The following PITPNM3 variants were observed in gnomAD, a reference collection of about 807,000 sequenced individuals.
The protein encoded by PITPNM3 is membrane-associated phosphatidylinositol transfer protein 3.
In PITPNM3, 26 loss-of-function variants were observed where a neutral mutation model predicts 102.0. The ratio of observed to expected loss-of-function variants is 0.25; its 90% CI spans 0.19 to 0.35. The LOEUF (loss-of-function observed/expected upper bound fraction) is 0.35, where lower values mean the gene tolerates loss of function less well. PITPNM3 is among the 10% of genes least tolerant of loss of function. The pLI is 1.00. For synonymous variants in PITPNM3, 578 were observed against 558.6 expected (o/e 1.03, Z -0.49); for missense variants, 1,083 against 1,346.1 (o/e 0.80, Z 3.06).
chr17:6,506,134 T>A (rs776358103), intron 3 of PITPNM3, among the ~76,000 whole-genome samples: 27 of 151,902 alleles, frequency 1.8e-4, no homozygotes, highest in Non-Finnish European at 2.2e-4. Flanking sequence ...GCTTGCAGAC[T>A]CTTCCAAATC....
chr17:6,553,065 G>A (rs903407542), intron 1 of PITPNM3, among the ~76,000 whole-genome samples: 4 of 148,940 alleles, frequency 2.7e-5, no homozygotes, highest in Admixed American at 2.0e-4. Flanking sequence ...CCACCGCACC[G>A]AGCCCCTGGC....
chr17:6,536,777 C>T (rs1411482205), intron 2 of PITPNM3, among the ~76,000 whole-genome samples: 1 of 152,200 alleles, frequency 6.6e-6, no homozygotes, highest in Non-Finnish European at 1.5e-5. Context: ...CTTCCAAGAC[C>T]CCGTTTGCCA....
chr17:6,514,733 T>C (rs1384356394), intron 3 of PITPNM3, among the ~76,000 whole-genome samples: 1 of 152,194 alleles, frequency 6.6e-6, no homozygotes, highest in Admixed American at 6.5e-5. Flanking sequence ...CCATATGATA[T>C]AGCAATTCCA....
Position 6,455,198 on chromosome 17 carries a change from G to T in PITPNM3, c.*140C>A, listed in dbSNP as rs1037794378. The T allele has an allele frequency of 8.6e-7, 1 of 1,163,736 alleles. No individual in the cohort carries two copies. The highest frequency in any genetic ancestry group is 1.2e-6 in the Non-Finnish European group (1 of 858,190). The allele number at this position is 1,163,736 out of a possible 1,614,324, so 72.1% of individuals were successfully genotyped here. On this transcript the variant is annotated 3_prime_UTR_variant, in exon 20 of 20. Transcript: ENST00000262483. ...CCGGGCTCGGGCAGGATCCCTCCCC[G>T]CTCTGGTCGGACACTGCTGGACAGA...
At chr17:6,463,627 ACCGGTAGAATT>A in intron 17 of PITPNM3, 94 bp downstream of exon 17, 1 of 1,467,550 alleles carries the variant, frequency 6.8e-7, no homozygotes, top group Non-Finnish European at 9.2e-7. Context: ...AGCCCCAGAG[ACCGGTAGAATT>A]CCTACAGCAA....
Position 6,470,480 on chromosome 17 carries a change from C to T in PITPNM3, c.1625-72G>A. On this transcript the variant is annotated intron_variant, in intron 12 of 19. Coordinates refer to ENST00000262483, the MANE Select transcript of PITPNM3 (RefSeq NM_031220.4). The surrounding 1 kb of genome is among the most constrained non-coding windows in gnomAD (Gnocchi z 4.8). ...TCACCCGAGGGGCAGCGGGGTCTCC[C>T]ATTGCACAGACTGGTGGTGGATGCC... 1 of 1,602,608 alleles carries T rather than the reference C, an allele frequency of 6.2e-7. No homozygotes were observed. Among genetic ancestry groups the T allele is most frequent in the Non-Finnish European group, 8.5e-7 (1 of 1,171,620 alleles).
chr17:6,535,941 G>A (rs1203205940), intron 2 of PITPNM3, among the ~76,000 whole-genome samples: 2 of 151,988 alleles, frequency 1.3e-5, no homozygotes, highest in Non-Finnish European at 2.9e-5. Flanking sequence ...GCACATGCCT[G>A]TAATCCCAGC....
At chr17:6,552,879 G>A (rs919212671) in intron 1 of PITPNM3, among the ~76,000 whole-genome samples, 29 of 147,924 alleles carry the variant, frequency 2.0e-4, no homozygotes, top group Admixed American at 1.2e-3. Flanking sequence ...CCATTCTCTC[G>A]CCTCAGCCTC....
chr17:6,487,034 G>A (rs768662082), intron 4 of PITPNM3, among the ~76,000 whole-genome samples: 1 of 152,232 alleles, frequency 6.6e-6, no homozygotes, highest in African/African-American at 2.4e-5. Context: ...GAGGGTCTGA[G>A]TGTGGCTTCC....
At position 6,469,251 on chromosome 17, in the gene PITPNM3, A is replaced by C. The variant is rs1904938884; in HGVS notation, c.1774-910T>G. On this transcript the variant is annotated intron_variant, in intron 13 of 19. Coordinates refer to ENST00000262483, the MANE Select transcript of PITPNM3 (RefSeq NM_031220.4). This position sits in a 1 kb window ranked among gnomAD's most constrained non-coding sequence, Gnocchi z 4.0. Reference sequence around the variant, plus strand: ...TCCTGATGTCTTCTCTAAGTTCCAGACTCCTCTACTCCCCTTCCGTCCCAG... The same window carrying C: ...TCCTGATGTCTTCTCTAAGTTCCAGCCTCCTCTACTCCCCTTCCGTCCCAG... Among the ~76,000 whole-genome samples, 3 of 150,506 alleles carry C rather than the reference A, an allele frequency of 2.0e-5. No homozygotes were observed. The highest frequency in any genetic ancestry group is 2.5e-5 in the African/African-American group (1 of 40,782).
At position 6,453,612 on chromosome 17, in the gene PITPNM3, G is replaced by A. The variant is rs1327533072; in HGVS notation, c.*1726C>T. On this transcript the variant is annotated 3_prime_UTR_variant, in exon 20 of 20. Transcript: ENST00000262483. ...ACACATTTCTAGTGGGGAGAGCAGG[G>A]ATGGGGGTTAGGAGCCCAGACCCCT... The A allele has an allele frequency of 6.6e-6, 1 of 152,424 alleles. No homozygotes were observed. 9.4% of individuals were successfully genotyped at this position (152,424 alleles called of 1,614,324 possible).
chr17:6,484,741 GCTGGTAAAACATGTTCT>G (rs563480134), intron 4 of PITPNM3, among the ~76,000 whole-genome samples: 174 of 152,322 alleles, frequency 1.1e-3, no homozygotes, highest in African/African-American at 3.9e-3. Context: ...TGCCCAGAGA[GCTGGTAAAACATGTTCT>G]CTGGGTCTAC....
intron 4 of PITPNM3, among the ~76,000 whole-genome samples, 199 bp downstream of exon 4, chr17:6,503,328 G>A (rs531672784): frequency 2.0e-4 from 30 of 152,132 alleles, no homozygotes; most frequent in Non-Finnish European, 3.7e-4. Context: ...TCAGGAACCC[G>A]AGGAGGCTCA....
At chr17:6,528,235 C>T (rs936145006) in intron 2 of PITPNM3, among the ~76,000 whole-genome samples, 1 of 152,170 alleles carries the variant, frequency 6.6e-6, no homozygotes, top group East Asian at 1.9e-4. Flanking sequence ...AACACGTATG[C>T]ATTGCCTTGC....
chr17:6,536,966 T>C (rs1344595593), intron 2 of PITPNM3, among the ~76,000 whole-genome samples: 1 of 152,136 alleles, frequency 6.6e-6, no homozygotes, highest in African/African-American at 2.4e-5. Flanking sequence ...GGGAGGGTCT[T>C]CTCTGCTCAA....
chr17:6,551,888 C>T (rs889073940), intron 1 of PITPNM3, among the ~76,000 whole-genome samples: 1 of 152,032 alleles, frequency 6.6e-6, no homozygotes, highest in African/African-American at 2.4e-5. Context: ...GCACACGCCC[C>T]ACTCCAGGAG....
At position 6,556,374 on chromosome 17, in the gene PITPNM3, C is replaced by G. The variant is rs1231543298; in HGVS notation, c.22+11G>C. The G allele has an allele frequency of 5.7e-6, 8 of 1,394,938 alleles. No individual in the cohort carries two copies. The East Asian group carries it at 2.5e-4, about 44-fold the overall frequency. The allele number at this position is 1,394,938 out of a possible 1,614,324, so 86.4% of individuals were successfully genotyped here. ...GGGCCCCGGCCCTGCCCTCCCCGCGCCCGCCCTCACCTGCACGGCCCGCCT... is the reference window on the plus strand; with the variant it reads ...GGGCCCCGGCCCTGCCCTCCCCGCGGCCGCCCTCACCTGCACGGCCCGCCT... On this transcript the variant is annotated intron_variant, in intron 1 of 19. Coordinates refer to ENST00000262483, the MANE Select transcript of PITPNM3 (RefSeq NM_031220.4). The surrounding 1 kb of genome is among the most constrained non-coding windows in gnomAD (Gnocchi z 5.2).
chr17:6,455,558 A>G lies in PITPNM3; in HGVS notation c.2705T>C (p.Ile902Thr), dbSNP rs760812284. ...CAGCCCGAAGCTGCCCTTGCGCAGGATCATGCGCGAGTTGTTCTTCTTTGG... is the reference window on the plus strand; with the variant it reads ...CAGCCCGAAGCTGCCCTTGCGCAGGGTCATGCGCGAGTTGTTCTTCTTTGG... ...SRPKKNNSRMILRKGSFGLHA... is the reference protein window; with the variant it reads ...SRPKKNNSRMTLRKGSFGLHA... Residue 902 changes from isoleucine (I) to threonine (T), a missense_variant, in exon 20 of 20, where the codon ATC (isoleucine) becomes ACC (threonine). Transcript: ENST00000262483. 2.2e-5 allele frequency: 36 copies of G among 1,602,178 alleles called. No homozygotes were observed. The highest frequency in any genetic ancestry group is 2.8e-5 in the Non-Finnish European group (33 of 1,179,262).
intron 3 of PITPNM3, among the ~76,000 whole-genome samples, chr17:6,507,467 C>A (rs1299738427): frequency 6.6e-6 from 1 of 152,072 alleles, no homozygotes; most frequent in Non-Finnish European, 1.5e-5. Context: ...GCCTGTAATC[C>A]CAGCTACTAG....
Sources: gnomAD v4.1 joint callset for allele counts (sites outside exome capture counted in the v4.1 genomes callset) on GRCh38, gnomAD v4.1.1 for gene constraint, Gnocchi (gnomAD v3.1) non-coding constraint, MANE v1.5 for transcripts, NCBI Gene and HGNC (gene_info 2026-07-23, HGNC 2026-07-21) for gene names.